Variants in CCDC82 observed in about 807,000 individuals in gnomAD.
CCDC82 encodes coiled-coil domain containing 82.
Under a neutral mutation model 60.6 loss-of-function variants are expected in CCDC82, and 47 were observed. The observed-to-expected ratio is 0.77, with a 90% CI of 0.61 to 0.99. The LOEUF (loss-of-function observed/expected upper bound fraction) is 0.99, where lower values mean the gene tolerates loss of function less well. Among genes scored for constraint, CCDC82 ranks in the 50% least tolerant of loss-of-function variants. The probability of loss-of-function intolerance (pLI) is 0.00; values close to 1 mark genes in which losing one functional copy is unlikely to be tolerated. For synonymous variants in CCDC82, 212 were observed against 207.4 expected (o/e 1.02, Z -0.19); for missense variants, 588 against 633.0 (o/e 0.93, Z 0.76).
At chr11:96,383,189 T>A (rs750958046) in intron 5 of CCDC82, 80 bp downstream of exon 5, 1 of 830,786 alleles carries the variant, frequency 1.2e-6, no homozygotes, top group Non-Finnish European at 2.0e-6. Flanking sequence ...ATTTAGAACA[T>A]GATATTAAAA....
At position 96,365,165 on chromosome 11, in the gene CCDC82, T is replaced by C; in HGVS notation, c.1210-15A>G. The C allele has an allele frequency of 2.0e-6, 3 of 1,479,408 alleles. No homozygotes were observed. Among genetic ancestry groups the C allele is most frequent in the Non-Finnish European group, 1.8e-6 (2 of 1,098,482 alleles). The allele number at this position is 1,479,408 out of a possible 1,614,324, so 91.6% of individuals were successfully genotyped here. On this transcript the variant is annotated splice_polypyrimidine_tract_variant and intron_variant, in intron 7 of 9. Transcript: ENST00000646818. ...TCTACTCGCTCCTGAAAACAAAAAATATAAAAAAAAGTTTAAAAGATAAAG... is the reference window on the plus strand; with the variant it reads ...TCTACTCGCTCCTGAAAACAAAAAACATAAAAAAAAGTTTAAAAGATAAAG...
chr11:96,359,323 C>T, intron 8 of CCDC82, 145 bp from the exon 9 acceptor site: 1 of 638,970 alleles, frequency 1.6e-6, no homozygotes. Context: ...ACTTATACAA[C>T]TAGTCAAACA....
chr11:96,372,629 TATATAA>T (rs1221323160), intron 6 of CCDC82, among the ~76,000 whole-genome samples: 7 of 145,050 alleles, frequency 4.8e-5, no homozygotes, highest in East Asian at 2.2e-4. Flanking sequence ...GGGATATATA[TATATAA>T]ATATAAATAT....
At chr11:96,370,927 A>G in intron 7 of CCDC82, 86 bp downstream of exon 7, 1 of 1,151,198 alleles carries the variant, frequency 8.7e-7, no homozygotes, top group Non-Finnish European at 1.2e-6. Flanking sequence ...CCAATATTTT[A>G]GAAGATTATT....
chr11:96,384,116 C>G lies in CCDC82; in HGVS notation c.632G>C (p.Arg211Pro). The change falls in exon 4 of 10, where the codon CGT becomes CCT. Residue 211 changes from arginine to proline, a missense_variant. Physicochemically the swap from Arg to Pro is moderately radical, Grantham distance 103 (BLOSUM62 -2). Coordinates refer to ENST00000646818, the MANE Select transcript of CCDC82 (RefSeq NM_024725.4). Reference sequence around the variant, plus strand: ...AGAACCTTCATCTTCAACCACTCTACGGGGACGTTTAACACCTACTTTTCT... The same window carrying G: ...AGAACCTTCATCTTCAACCACTCTAGGGGGACGTTTAACACCTACTTTTCT... Reference protein sequence around the residue: ...LVRKVGVKRPRRVVEDEGSSV... With the variant: ...LVRKVGVKRPPRVVEDEGSSV... 1 of 1,613,700 alleles carries G rather than the reference C, an allele frequency of 6.2e-7. No homozygotes were observed.
chr11:96,357,861 TAGG>T, intron 9 of CCDC82: 1 of 984,928 alleles, frequency 1.0e-6, no homozygotes, highest in Non-Finnish European at 1.2e-6. Context: ...GCATTTGGAG[TAGG>T]AGAAGTAGAA....
intron 5 of CCDC82, among the ~76,000 whole-genome samples, chr11:96,374,816 ATATGT>A (rs752471786): frequency 3.0e-4 from 45 of 152,074 alleles, no homozygotes; most frequent in Non-Finnish European, 5.3e-4. Flanking sequence ...TCTCTGCCAG[ATATGT>A]TATAAGCAAG....
intron 9 of CCDC82, 35 bp from the exon 10 acceptor site, chr11:96,353,749 C>A (rs1345046285): frequency 2.0e-6 from 3 of 1,513,238 alleles, no homozygotes; most frequent in South Asian, 2.3e-5. Flanking sequence ...TTATTTTACT[C>A]AAAGCAATGA....
intron 3 of CCDC82, chr11:96,385,302 G>A (rs1439585740): frequency 6.6e-6 from 1 of 152,588 alleles, no homozygotes; most frequent in East Asian, 1.9e-4. Context: ...CTTTAAGAAA[G>A]AAGATGGTAT....
intron 9 of CCDC82, 173 bp from the exon 10 acceptor site, chr11:96,353,887 A>AAAT: frequency 2.1e-6 from 1 of 483,178 alleles, no homozygotes; most frequent in Non-Finnish European, 3.7e-6. Flanking sequence ...ACTCATATAT[A>AAAT]ACTCATATAT....
At position 96,359,059 on chromosome 11, in the gene CCDC82, A is replaced by T. The variant is rs773320074; in HGVS notation, c.1500T>A (p.Asp500Glu). 6.2e-7 allele frequency: 1 copy of T among 1,608,696 alleles called. No individual in the cohort carries two copies. The highest frequency in any genetic ancestry group is 2.2e-5 in the East Asian group (1 of 44,560). ...TTTCCACTGTTTCTTTAACTTGTTC[A>T]TCTTCAACTTCTTCTGTCATTGCAA... is the stretch of plus-strand genomic sequence containing the variant. Reference protein sequence around the residue: ...CTIAMTEEVEDEQVKETVERI... With the variant: ...CTIAMTEEVEEEQVKETVERI... Residue 500 changes from aspartate (D) to glutamate (E), a missense_variant, in exon 9 of 10, where the codon GAT (aspartate) becomes GAA (glutamate). Transcript: ENST00000646818.
At chr11:96,375,851 T>C (rs535618743) in intron 5 of CCDC82, among the ~76,000 whole-genome samples, 1 of 152,272 alleles carries the variant, frequency 6.6e-6, no homozygotes, top group African/African-American at 2.4e-5. Flanking sequence ...AAAAATGGCA[T>C]TCTCAATGAC....
intron 9 of CCDC82, chr11:96,356,076 A>G (rs1864332510): frequency 6.6e-6 from 1 of 152,234 alleles, no homozygotes; most frequent in Non-Finnish European, 1.5e-5. Context: ...TCAAACTTTT[A>G]TCTATTTAAG....
At chr11:96,369,849 C>T (rs148103369) in intron 7 of CCDC82, among the ~76,000 whole-genome samples, 16 of 152,232 alleles carry the variant, frequency 1.1e-4, no homozygotes, top group Admixed American at 6.5e-5. Flanking sequence ...TGCAACAAAA[C>T]GAGGTATGCT....
At chr11:96,362,688 C>T (rs974492572) in intron 8 of CCDC82, among the ~76,000 whole-genome samples, 6 of 152,142 alleles carry the variant, frequency 3.9e-5, no homozygotes, top group African/African-American at 1.4e-4. Context: ...TCTCAGTACC[C>T]TATCAATACT....
chr11:96,383,819 C>G, intron 4 of CCDC82, 143 bp downstream of exon 4: 1 of 771,460 alleles, frequency 1.3e-6, no homozygotes, highest in South Asian at 2.0e-5. Context: ...ATAGTGTAAT[C>G]AAACATGTTC....
chr11:96,373,317 G>A (rs1865383362), intron 6 of CCDC82, 58 bp downstream of exon 6: 5 of 1,086,782 alleles, frequency 4.6e-6, no homozygotes, highest in Non-Finnish European at 6.9e-6. Context: ...AAGTGAGGTT[G>A]TTTTAAAATT....
chr11:96,369,937 A>G (rs565885285), intron 7 of CCDC82, among the ~76,000 whole-genome samples: 2 of 152,366 alleles, frequency 1.3e-5, no homozygotes, highest in African/African-American at 2.4e-5. Flanking sequence ...TTCAAAGAAA[A>G]TAAGTATATA....
intron 5 of CCDC82, among the ~76,000 whole-genome samples, chr11:96,374,160 G>C (rs1865441322): frequency 6.6e-6 from 1 of 152,136 alleles, no homozygotes; most frequent in South Asian, 2.1e-4. Flanking sequence ...TATCAACCAC[G>C]ACCCATTCCT....
Sources: gnomAD v4.1 joint callset for allele counts (sites outside exome capture counted in the v4.1 genomes callset) on GRCh38, gnomAD v4.1.1 for gene constraint, MANE v1.5 for transcripts, NCBI Gene and HGNC (gene_info 2026-07-23, HGNC 2026-07-21) for gene names.